The following EML6 variants were observed in gnomAD, a reference collection of about 807,000 sequenced individuals.
The protein encoded by EML6 is EMAP like 6, also known as echinoderm microtubule-associated protein-like 6.
EML6 carries 154 observed loss-of-function variants against 240.1 expected under a neutral mutation model. The ratio of observed to expected loss-of-function variants is 0.64; its 90% CI spans 0.56 to 0.73. The LOEUF (loss-of-function observed/expected upper bound fraction) is 0.73, where lower values mean the gene tolerates loss of function less well. Among genes scored for constraint, EML6 ranks in the 30% least tolerant of loss-of-function variants. EML6 has a pLI of 0.00. For missense variants in EML6, 2,964 were observed against 2,474.6 expected, an observed-to-expected ratio of 1.20 and a Z score of -4.20; for synonymous variants, 1,148 against 899.0, an observed-to-expected ratio of 1.28 and a Z score of -4.95.
intron 17 of EML6, among the ~76,000 whole-genome samples, chr2:54,885,197 C>G (rs1462606061): frequency 6.6e-6 from 1 of 152,090 alleles, no homozygotes; most frequent in African/African-American, 2.4e-5. Flanking sequence ...GTAATCCCAG[C>G]ACTTTGGGAG....
At chr2:54,952,836 A>T in intron 31 of EML6, 144 bp downstream of exon 31, 1 of 623,932 alleles carries the variant, frequency 1.6e-6, no homozygotes, top group Non-Finnish European at 2.9e-6. Flanking sequence ...TCCTGAGTGT[A>T]TCTGTGTCAC....
At chr2:54,950,303 A>C in intron 29 of EML6, among the ~76,000 whole-genome samples, 1 of 152,234 alleles carries the variant, frequency 6.6e-6, no homozygotes. Flanking sequence ...CAGCTCACCC[A>C]GAGTGCCTGC....
At position 54,741,858 on chromosome 2, in the gene EML6, C is replaced by A. The variant is rs557581467; in HGVS notation, c.197+16600C>A. Among the ~76,000 whole-genome samples the A allele has an allele frequency of 2.0e-5, 3 of 152,192 alleles. No individual in the cohort carries two copies. In the South Asian group the frequency reaches 6.2e-4, roughly 32 times the overall value. ...GCAAAGCTCTTCCTTGTATAGAAAG[C>A]CAAGTATTAAATATAGCTGGAATGA... On this transcript the variant is annotated intron_variant, in intron 2 of 41. Coordinates refer to ENST00000356458, the MANE Select transcript of EML6 (RefSeq NM_001039753.4).
chr2:54,925,524 C>G (rs563695126), intron 26 of EML6, among the ~76,000 whole-genome samples: 5 of 152,328 alleles, frequency 3.3e-5, no homozygotes, highest in Admixed American at 2.0e-4. Context: ...ACGTCACTAT[C>G]TTGGCTCTTT....
intron 36 of EML6, among the ~76,000 whole-genome samples, 187 bp downstream of exon 36, chr2:54,962,898 G>T (rs1676586443): frequency 1.3e-5 from 2 of 152,222 alleles, no homozygotes; most frequent in East Asian, 3.8e-4. Flanking sequence ...ATATAATTGA[G>T]AAGGATTATT....
chr2:54,816,518 A>G (rs1409911206), intron 3 of EML6, among the ~76,000 whole-genome samples: 2 of 152,286 alleles, frequency 1.3e-5, no homozygotes, highest in East Asian at 3.9e-4. Flanking sequence ...TTGACGTTTC[A>G]GAGATCTCCT....
In EML6 at chr2:54,964,696, T is replaced by C; in HGVS notation, c.5456T>C (p.Ile1819Thr). ...GYCKDIPSFV[I>T]QMDFSADGKY... ...TGCAAAGATATCCCAAGCTTTGTCA[T>C]TCAGATGGATTTTTCTGCGGATGGC... is the stretch of plus-strand genomic sequence containing the variant. The change falls in exon 38 of 42, where the codon ATT (isoleucine) becomes ACT (threonine). Residue 1819 changes from isoleucine (I) to threonine (T), a missense_variant. Ile to Thr is a moderately conservative substitution (Grantham distance 89). Transcript: ENST00000356458. 1 of 1,552,092 alleles carries C rather than the reference T, an allele frequency of 6.4e-7. No individual in the cohort carries two copies. Among genetic ancestry groups the C allele is most frequent in the Non-Finnish European group, 8.7e-7 (1 of 1,147,080 alleles).
chr2:54,939,686 C>G (rs1675326590), intron 28 of EML6, among the ~76,000 whole-genome samples: 1 of 152,230 alleles, frequency 6.6e-6, no homozygotes, highest in Non-Finnish European at 1.5e-5. Context: ...TGCTCTGTCT[C>G]TCTTGACCCT....
chr2:54,805,581 C>G (rs968727736), intron 2 of EML6, among the ~76,000 whole-genome samples: 1 of 151,884 alleles, frequency 6.6e-6, no homozygotes, highest in Non-Finnish European at 1.5e-5. Flanking sequence ...CTGGGTAGAA[C>G]TTTGGTGATT....
At chr2:54,791,931 A>G (rs1029165704) in intron 2 of EML6, among the ~76,000 whole-genome samples, 3 of 152,178 alleles carry the variant, frequency 2.0e-5, no homozygotes, top group African/African-American at 7.2e-5. Context: ...TGAAGGAGTA[A>G]CATGTCTTGT....
intron 2 of EML6, among the ~76,000 whole-genome samples, chr2:54,803,378 A>C (rs1670283830): frequency 6.6e-6 from 1 of 152,158 alleles, no homozygotes; most frequent in East Asian, 1.9e-4. Context: ...AATGCAATTG[A>C]GGGGTAAGGG....
At chr2:54,830,825 T>G (rs950733764) in intron 7 of EML6, among the ~76,000 whole-genome samples, 6 of 152,198 alleles carry the variant, frequency 3.9e-5, no homozygotes, top group Non-Finnish European at 5.9e-5. Flanking sequence ...AATGTGCATC[T>G]AAGTCAACTA....
chr2:54,830,979 T>TA (rs1256840143), intron 7 of EML6, among the ~76,000 whole-genome samples: 2 of 152,190 alleles, frequency 1.3e-5, no homozygotes, highest in African/African-American at 4.8e-5. Context: ...TCGAAGGCCT[T>TA]AAGTTCTCTG....
chr2:54,964,436 G>T, intron 37 of EML6, 135 bp from the exon 38 acceptor site: 5 of 808,486 alleles, frequency 6.2e-6, no homozygotes, highest in Non-Finnish European at 9.7e-6. Flanking sequence ...TGCCAGGAGA[G>T]GCTGACCACA....
At chr2:54,871,814 T>C (rs1251560894) in intron 16 of EML6, among the ~76,000 whole-genome samples, 1 of 152,254 alleles carries the variant, frequency 6.6e-6, no homozygotes, top group Non-Finnish European at 1.5e-5. Flanking sequence ...CACCAAAAAA[T>C]GTGGCCTTTA....
chr2:54,812,646 C>T (rs750545648), intron 2 of EML6, among the ~76,000 whole-genome samples: 11 of 151,788 alleles, frequency 7.2e-5, no homozygotes, highest in Admixed American at 2.0e-4. Flanking sequence ...CTATACAAAC[C>T]ACAATTGTAA....
intron 28 of EML6, among the ~76,000 whole-genome samples, chr2:54,942,480 C>T (rs937388484): frequency 2.6e-5 from 4 of 152,012 alleles, no homozygotes; most frequent in Admixed American, 6.6e-5. Flanking sequence ...GATCTGCCTC[C>T]TGTCAATTAG....
At chr2:54,779,258 G>A (rs1272838882) in intron 2 of EML6, among the ~76,000 whole-genome samples, 4 of 152,180 alleles carry the variant, frequency 2.6e-5, no homozygotes, top group Non-Finnish European at 1.5e-5. Flanking sequence ...GGAAGGAGGG[G>A]CTGGGTGCAG....
At chr2:54,885,747 G>A (rs1451437679) in intron 17 of EML6, among the ~76,000 whole-genome samples, 1 of 152,054 alleles carries the variant, frequency 6.6e-6, no homozygotes, top group African/African-American at 2.4e-5. Flanking sequence ...GAGTAGCTGG[G>A]ACTACAGGCG....
Sources: allele counts gnomAD v4.1 joint callset (sites outside exome capture counted in the v4.1 genomes callset), GRCh38; gene constraint gnomAD v4.1.1; transcripts MANE v1.5; gene names NCBI Gene and HGNC (gene_info 2026-07-23, HGNC 2026-07-21).